Variants in PLAGL1 observed in about 807,000 individuals in gnomAD.
PLAGL1 encodes PLAG1 like zinc finger 1, also known as zinc finger protein PLAGL1.
PLAGL1 carries 1 observed loss-of-function variant against 4.6 expected under a neutral mutation model. The ratio of observed to expected loss-of-function variants is 0.22; its 90% CI spans 0.08 to 1.03. The LOEUF (loss-of-function observed/expected upper bound fraction) is 1.03, where lower values mean the gene tolerates loss of function less well. Among genes scored for constraint, PLAGL1 ranks in the 50% least tolerant of loss-of-function variants. The pLI is 0.58. For missense variants in PLAGL1, 464 were observed against 570.4 expected, an observed-to-expected ratio of 0.81 and a Z score of 1.90; for synonymous variants, 240 against 237.8, an observed-to-expected ratio of 1.01 and a Z score of -0.08.
In PLAGL1 at chr6:144,036,738, A is replaced by G. The variant is rs2128713014; in HGVS notation, c.-151+27730T>C. The G allele has an allele frequency of 3.1e-6, 1 of 325,428 alleles. No homozygotes were observed. Among genetic ancestry groups the G allele is most frequent in the South Asian group, 2.5e-5 (1 of 39,504 alleles). 20.2% of individuals were successfully genotyped at this position (325,428 alleles called of 1,614,324 possible). A position where few individuals can be genotyped will look rare whatever the true frequency, so the allele number is the denominator to read the frequency against. On this transcript the variant is annotated intron_variant, in intron 1 of 3. Transcript: ENST00000437412. The surrounding 1 kb of genome is among the most constrained non-coding windows in gnomAD (Gnocchi z 5.1). Reference sequence around the variant, plus strand: ...GAAAAAGTGAAACTACAGAACAGAAATTGTGCAACTTCCAGAAAACTGCTC... The same window carrying G: ...GAAAAAGTGAAACTACAGAACAGAAGTTGTGCAACTTCCAGAAAACTGCTC...
At chr6:144,021,371 A>G (rs1435765066) in intron 1 of PLAGL1, among the ~76,000 whole-genome samples, 2 of 152,188 alleles carry the variant, frequency 1.3e-5, no homozygotes, top group Non-Finnish European at 2.9e-5. Context: ...TTTCAAAATT[A>G]TTCCATCTGT....
At chr6:144,019,104 G>A (rs1411784713) in intron 1 of PLAGL1, among the ~76,000 whole-genome samples, 2 of 152,078 alleles carry the variant, frequency 1.3e-5, no homozygotes, top group Non-Finnish European at 2.9e-5. Flanking sequence ...CAAACGCTGA[G>A]ATTCCAGATT....
chr6:144,046,830 T>C (rs985758215), intron 1 of PLAGL1, among the ~76,000 whole-genome samples: 2 of 152,298 alleles, frequency 1.3e-5, no homozygotes, highest in Non-Finnish European at 2.9e-5. Context: ...GCAGGCCTCA[T>C]TGAGCTGCGG....
At position 144,006,268 on chromosome 6, in the gene PLAGL1, G is replaced by T. The variant is rs184995426; in HGVS notation, c.-584+1822C>A. Reference sequence around the variant, plus strand: ...AACAGACGGAGAGCCCTAGACTCAGGCTTCTTCAGTTTGCAACACCCATAT... The same window carrying T: ...AACAGACGGAGAGCCCTAGACTCAGTCTTCTTCAGTTTGCAACACCCATAT... On this transcript the variant is annotated intron_variant, in intron 1 of 7. Transcript: ENST00000674357. This position sits in a 1 kb window ranked among gnomAD's most constrained non-coding sequence, Gnocchi z 4.3. The T allele has an allele frequency of 1.3e-5, 2 of 152,146 alleles. No homozygotes were observed. The highest frequency in any genetic ancestry group is 1.3e-4 in the Admixed American group (2 of 15,288). 9.4% of individuals were successfully genotyped at this position (152,146 alleles called of 1,614,324 possible). A position where few individuals can be genotyped will look rare whatever the true frequency, so the allele number is the denominator to read the frequency against.
rs1798632514 is a variant in PLAGL1 at position 144,052,261 on chromosome 6, AAAG to A, written c.-151+12204_-151+12206del. Reference sequence around the variant, plus strand: ...ACATGGCAAGGAAAAGACTACCACCAAAGAAGGAGCAATCAGTCAATCAATCAA... The same window carrying A: ...ACATGGCAAGGAAAAGACTACCACCAAAGGAGCAATCAGTCAATCAATCAA... On this transcript the variant is annotated intron_variant, in intron 1 of 3. Transcript: ENST00000437412. Among the ~76,000 whole-genome samples the A allele has an allele frequency of 5.9e-5, 9 of 152,362 alleles. No homozygotes were observed. In the South Asian group the frequency reaches 1.7e-3, roughly 28 times the overall value.
intron 1 of PLAGL1, among the ~76,000 whole-genome samples, chr6:144,028,637 C>G (rs113982112): frequency 1.3e-5 from 2 of 152,098 alleles, no homozygotes; most frequent in Admixed American, 1.3e-4. Context: ...TCCTGATATC[C>G]GTCTATAAAA....
At chr6:144,051,287 A>C (rs941370050) in intron 1 of PLAGL1, among the ~76,000 whole-genome samples, 18 of 152,224 alleles carry the variant, frequency 1.2e-4, no homozygotes, top group Non-Finnish European at 2.1e-4. Context: ...TGCAACATGT[A>C]TGTGCTTAAT....
At chr6:143,969,687 A>G (rs933970067) in intron 2 of PLAGL1, among the ~76,000 whole-genome samples, 4 of 151,966 alleles carry the variant, frequency 2.6e-5, no homozygotes, top group African/African-American at 9.7e-5. Flanking sequence ...GAAGAACACT[A>G]TTCCTTTGGG....
rs908028528 is a variant in PLAGL1, at chr6:143,957,302, G to A, written c.-325+3167C>T. On this transcript the variant is annotated intron_variant, in intron 6 of 7. Coordinates refer to ENST00000674357, the MANE Select transcript of PLAGL1 (RefSeq NM_001317162.2). The surrounding 1 kb of genome is among the most constrained non-coding windows in gnomAD (Gnocchi z 4.2). ...ATGAAGACTCTCAGGAGTCTGGTGGGGGGGTGAGGGGTGGAGAGCAACTCC... is the reference window on the plus strand; with the variant it reads ...ATGAAGACTCTCAGGAGTCTGGTGGAGGGGTGAGGGGTGGAGAGCAACTCC... Among the ~76,000 whole-genome samples, 4 of 152,202 alleles carry A rather than the reference G, an allele frequency of 2.6e-5. No homozygotes were observed. Among genetic ancestry groups the A allele is most frequent in the Admixed American group, 6.5e-5 (1 of 15,286 alleles).
intron 1 of PLAGL1, among the ~76,000 whole-genome samples, chr6:143,999,169 T>A (rs1478408268): frequency 6.6e-6 from 1 of 152,164 alleles, no homozygotes; most frequent in Admixed American, 6.5e-5. Context: ...TTTTCCTGTA[T>A]TTCAGAATGC....
At chr6:144,060,315 C>T (rs576653867) in intron 1 of PLAGL1, among the ~76,000 whole-genome samples, 2 of 152,306 alleles carry the variant, frequency 1.3e-5, no homozygotes, top group South Asian at 4.1e-4. Context: ...TCCCAAAGTG[C>T]TGGGATTACA....
chr6:144,031,562 A>G (rs1271064868), intron 1 of PLAGL1, among the ~76,000 whole-genome samples: 1 of 152,168 alleles, frequency 6.6e-6, no homozygotes, highest in Non-Finnish European at 1.5e-5. Flanking sequence ...TCATTCTCAT[A>G]CATGTGGCTT....
At chr6:144,020,487 C>A (rs2128697570) in intron 1 of PLAGL1, among the ~76,000 whole-genome samples, 1 of 152,124 alleles carries the variant, frequency 6.6e-6, no homozygotes, top group Non-Finnish European at 1.5e-5. Context: ...TGGAGTTTCA[C>A]CATGTTGGCC....
rs1157176943 is a variant in PLAGL1 at position 143,973,859 on chromosome 6, G to T, written c.-543-4881C>A. On this transcript the variant is annotated intron_variant, in intron 2 of 7. Coordinates refer to ENST00000674357, the MANE Select transcript of PLAGL1 (RefSeq NM_001317162.2). This position sits in a 1 kb window ranked among gnomAD's most constrained non-coding sequence, Gnocchi z 6.2. ...TGCAGTTTCTAGGGTTACCCTAAGG[G>T]GTGATCTCCAGAGAAAGCAACACAA... 6.6e-6 allele frequency among the ~76,000 whole-genome samples: 1 copy of T among 152,182 alleles called. No individual in the cohort carries two copies. Among genetic ancestry groups the T allele is most frequent in the Non-Finnish European group, 1.5e-5 (1 of 68,026 alleles).
Position 143,962,769 on chromosome 6 carries a change from G to C in PLAGL1, c.-399+2018C>G, listed in dbSNP as rs1241477565. On this transcript the variant is annotated intron_variant, in intron 5 of 7. Transcript: ENST00000674357. The surrounding 1 kb of genome is among the most constrained non-coding windows in gnomAD (Gnocchi z 5.3). Reference sequence around the variant, plus strand: ...TCTAGCGACTCCTGGTTTTACTTAAGCAAATTCTCCAAACTGACTTTTTTA... The same window carrying C: ...TCTAGCGACTCCTGGTTTTACTTAACCAAATTCTCCAAACTGACTTTTTTA... Among the ~76,000 whole-genome samples the C allele has an allele frequency of 6.6e-6, 1 of 152,200 alleles. No homozygotes were observed. Among genetic ancestry groups the C allele is most frequent in the East Asian group, 1.9e-4 (1 of 5,204 alleles).
Position 143,980,822 on chromosome 6 carries a change from T to C in PLAGL1, c.-544+4313A>G, listed in dbSNP as rs74522607. 6.7e-3 allele frequency among the ~76,000 whole-genome samples: 1,017 copies of C among 152,304 alleles called. 42 individuals are homozygous for C. The East Asian group carries it at 0.11, about 17-fold the overall frequency. On this transcript the variant is annotated intron_variant, in intron 2 of 7. Transcript: ENST00000674357. ...ATATTTTGTATTTCCTTAAATATCC[T>C]TGAGCTTTGTTCTGGGATACAGTTA... is the stretch of plus-strand genomic sequence containing the variant.
chr6:143,985,982 T>TATA lies in PLAGL1; in HGVS notation c.-583-809_-583-808insTAT, dbSNP rs1554263920. On this transcript the variant is annotated intron_variant, in intron 1 of 7. Coordinates refer to ENST00000674357, the MANE Select transcript of PLAGL1 (RefSeq NM_001317162.2). The surrounding 1 kb of genome is among the most constrained non-coding windows in gnomAD (Gnocchi z 4.4). ...TATATCAAATTATATATATATAAAA[T>TATA]TATATATATATATATATATATATAT... Among the ~76,000 whole-genome samples the TATA allele has an allele frequency of 7.2e-5, 8 of 111,582 alleles. No individual in the cohort carries two copies. The highest frequency in any genetic ancestry group is 2.7e-4 in the East Asian group (1 of 3,704). The allele number at this position is 111,582 out of a possible 152,430, so 73.2% of individuals were successfully genotyped here.
At chr6:143,943,640 T>G (rs754282634) in intron 7 of PLAGL1, among the ~76,000 whole-genome samples, 1 of 151,708 alleles carries the variant, frequency 6.6e-6, no homozygotes, top group Non-Finnish European at 1.5e-5. Flanking sequence ...ACCTTTGACT[T>G]ACTTCTTAAA....
upstream of PLAGL1, among the ~76,000 whole-genome samples, chr6:144,013,019 C>T (rs770613594): frequency 3.9e-5 from 6 of 152,198 alleles, no homozygotes; most frequent in Non-Finnish European, 8.8e-5. This position sits in a 1 kb window ranked among gnomAD's most constrained non-coding sequence, Gnocchi z 4.4. Flanking sequence ...ACTGCAGAGG[C>T]CACATGAAGT....
Sources: gnomAD v4.1 joint callset for allele counts (sites outside exome capture counted in the v4.1 genomes callset) on GRCh38, gnomAD v4.1.1 for gene constraint, Gnocchi (gnomAD v3.1) non-coding constraint, MANE v1.5 for transcripts, NCBI Gene and HGNC (gene_info 2026-07-23, HGNC 2026-07-21) for gene names.